NSG2: variants seen among roughly 807,000 people sequenced by gnomAD.
NSG2 encodes neuronal vesicle trafficking associated 2.
NSG2 carries 4 observed loss-of-function variants against 16.9 expected under a neutral mutation model. The observed-to-expected ratio is 0.24, with a 90% CI of 0.12 to 0.54. The LOEUF (loss-of-function observed/expected upper bound fraction) is 0.54. Among genes scored for constraint, NSG2 ranks in the 20% least tolerant of loss-of-function variants. The pLI is 0.95. For missense variants in NSG2, 179 were observed against 221.1 expected (o/e 0.81, Z 1.21); for synonymous variants, 98 against 88.7 (o/e 1.11, Z -0.59).
At chr5:174,095,596 CAAGATTCTT>C (rs1760784061) in intron 3 of NSG2, among the ~76,000 whole-genome samples, 1 of 152,148 alleles carries the variant, frequency 6.6e-6, no homozygotes, top group Non-Finnish European at 1.5e-5. Flanking sequence ...GATTTCATCT[CAAGATTCTT>C]AACTAAATTA....
chr5:174,107,485 C>A lies in NSG2; in HGVS notation c.496C>A (p.Pro166Thr), dbSNP rs1287194693. 4 of 1,610,178 alleles carry A rather than the reference C, an allele frequency of 2.5e-6. No individual in the cohort carries two copies. The East Asian group carries it at 8.9e-5, about 36-fold the overall frequency. ...CGCTGTCATCCATGAGCCCAAGCCG[C>A]CCAAGACCCAGGGCCACTAGAGGCC... is the stretch of plus-strand genomic sequence containing the variant. ...AAAVIHEPKP[P>T]KTQGH The change falls in exon 5 of 5, where the codon CCC becomes ACC. Residue 166 changes from proline to threonine, a missense_variant. Physicochemically the swap from Pro to Thr is conservative, Grantham distance 38. Transcript: ENST00000303177. This position sits in a 1 kb window ranked among gnomAD's most constrained non-coding sequence, Gnocchi z 4.5.
At chr5:174,060,873 C>G (rs1016160654) in intron 2 of NSG2, among the ~76,000 whole-genome samples, 3 of 152,178 alleles carry the variant, frequency 2.0e-5, no homozygotes, top group African/African-American at 7.2e-5. Context: ...AGTGGAGAAT[C>G]TCTTTCCAGT....
intron 2 of NSG2, among the ~76,000 whole-genome samples, chr5:174,050,523 G>A (rs1759870583): frequency 6.6e-6 from 1 of 152,138 alleles, no homozygotes; most frequent in African/African-American, 2.4e-5. Flanking sequence ...ATAGTGGCCT[G>A]CCTAAACTTT....
chr5:174,073,350 GCT>G (rs1436551650), intron 3 of NSG2, among the ~76,000 whole-genome samples: 1 of 152,128 alleles, frequency 6.6e-6, no homozygotes, highest in Non-Finnish European at 1.5e-5. Flanking sequence ...GGTTTTTATT[GCT>G]CTCTCTTTCT....
chr5:174,106,034 C>T (rs114010329), intron 4 of NSG2, among the ~76,000 whole-genome samples: 1,808 of 152,140 alleles, frequency 0.012, 44 homozygotes, highest in African/African-American at 0.041. Context: ...CCTCCATACA[C>T]GGAAAGAGAA....
chr5:174,107,498 G>A lies in NSG2; in HGVS notation c.509G>A (p.Gly170Asp). Residue 170 changes from glycine (G) to aspartate (D), a missense_variant, in exon 5 of 5, where the codon GGC (glycine) becomes GAC (aspartate). By Grantham distance (94) the Gly-to-Asp change is moderately conservative. Coordinates refer to ENST00000303177, the MANE Select transcript of NSG2 (RefSeq NM_015980.5). This position sits in a 1 kb window ranked among gnomAD's most constrained non-coding sequence, Gnocchi z 4.5. The part of the protein sequence containing the change: ...IHEPKPPKTQ[G>D]H ...GAGCCCAAGCCGCCCAAGACCCAGGGCCACTAGAGGCCTGCCCCAGCCAGA... is the reference window on the plus strand; with the variant it reads ...GAGCCCAAGCCGCCCAAGACCCAGGACCACTAGAGGCCTGCCCCAGCCAGA... 6.2e-7 allele frequency: 1 copy of A among 1,607,038 alleles called. No homozygotes were observed. The highest frequency in any genetic ancestry group is 8.5e-7 in the Non-Finnish European group (1 of 1,175,222).
intron 3 of NSG2, among the ~76,000 whole-genome samples, chr5:174,084,988 G>A (rs1430377625): frequency 6.6e-6 from 1 of 152,164 alleles, no homozygotes; most frequent in East Asian, 1.9e-4. Context: ...GCCAGGAAGA[G>A]TGGGTGAAAT....
At position 174,104,278 on chromosome 5, in the gene NSG2, C is replaced by T. The variant is rs916681740; in HGVS notation, c.264C>T (p.Phe88=). The change falls in exon 4 of 5, where the codon TTC becomes TTT. Residue 88 remains phenylalanine, a synonymous_variant. Transcript: ENST00000303177. ...LALAFLACIV[F]LVVYKAFTYD... ...TAGCTTTCCTTGCGTGCATCGTGTT[C>T]CTGGTGGTTTACAAAGCCTTCACCT... The T allele has an allele frequency of 9.3e-6, 15 of 1,614,128 alleles. No homozygotes were observed. Among genetic ancestry groups the T allele is most frequent in the Non-Finnish European group, 1.3e-5 (15 of 1,180,022 alleles).
chr5:174,075,581 G>C (rs1303355359), intron 3 of NSG2, among the ~76,000 whole-genome samples: 1 of 152,122 alleles, frequency 6.6e-6, no homozygotes, highest in African/African-American at 2.4e-5. Context: ...TGATCCAAAA[G>C]GGAAAAAGAG....
chr5:174,073,269 C>T (rs184551455), intron 3 of NSG2, among the ~76,000 whole-genome samples: 31 of 152,328 alleles, frequency 2.0e-4, no homozygotes, highest in African/African-American at 7.5e-4. Context: ...GGCCTTCATT[C>T]CATGGGATTC....
chr5:174,057,850 T>A (rs1755450172), intron 2 of NSG2, among the ~76,000 whole-genome samples: 1 of 152,152 alleles, frequency 6.6e-6, no homozygotes, highest in South Asian at 2.1e-4. Context: ...TTGCTGGTAT[T>A]GTCTCTCCCT....
chr5:174,066,938 C>T (rs1474897016), intron 3 of NSG2, among the ~76,000 whole-genome samples: 11 of 130,170 alleles, frequency 8.5e-5, no homozygotes, highest in African/African-American at 2.2e-4. Context: ...TGCAGTGAGC[C>T]GAGATCCCGC....
At chr5:174,075,260 G>T (rs182371283) in intron 3 of NSG2, among the ~76,000 whole-genome samples, 150 of 152,192 alleles carry the variant, frequency 9.9e-4, no homozygotes, top group South Asian at 6.9e-3. Flanking sequence ...GCCACTCGGG[G>T]TCATACAGCC....
At chr5:174,067,661 C>G (rs1232948558) in intron 3 of NSG2, among the ~76,000 whole-genome samples, 1 of 152,180 alleles carries the variant, frequency 6.6e-6, no homozygotes, top group Non-Finnish European at 1.5e-5. Flanking sequence ...TTAAAGAGAG[C>G]TCCTTCTGGG....
chr5:174,056,248 C>G (rs950926917), intron 2 of NSG2: 1 of 147,880 alleles, frequency 6.8e-6, no homozygotes, highest in African/African-American at 2.6e-5. Context: ...CTCTCTGGGA[C>G]TCAGGCTCCT....
intron 3 of NSG2, among the ~76,000 whole-genome samples, chr5:174,102,557 G>A (rs1279985796): frequency 6.6e-6 from 1 of 151,976 alleles, no homozygotes; most frequent in African/African-American, 2.4e-5. Flanking sequence ...TGGTGGGATG[G>A]GGTCAGTGCA....
chr5:174,073,005 A>C (rs1449569337), intron 3 of NSG2, among the ~76,000 whole-genome samples: 5 of 152,194 alleles, frequency 3.3e-5, no homozygotes, highest in African/African-American at 1.2e-4. Context: ...TGAATGAATG[A>C]ATGCATAAGG....
chr5:174,073,769 A>G (rs1249212835), intron 3 of NSG2, among the ~76,000 whole-genome samples: 1 of 152,236 alleles, frequency 6.6e-6, no homozygotes, highest in East Asian at 1.9e-4. Context: ...TGACCACCCC[A>G]TCGCAAAAGG....
chr5:174,056,981 C>G (rs1302927897), intron 2 of NSG2, among the ~76,000 whole-genome samples: 3 of 152,214 alleles, frequency 2.0e-5, no homozygotes, highest in Non-Finnish European at 4.4e-5. Context: ...ATCCCATTTT[C>G]ACAATGCCAA....
Sources: gnomAD v4.1 joint callset for allele counts (sites outside exome capture counted in the v4.1 genomes callset) on GRCh38, gnomAD v4.1.1 for gene constraint, Gnocchi (gnomAD v3.1) non-coding constraint, MANE v1.5 for transcripts, NCBI Gene and HGNC (gene_info 2026-07-23, HGNC 2026-07-21) for gene names.